The following NSMAF variants were observed in gnomAD, a reference collection of about 807,000 sequenced individuals.
NSMAF encodes the protein neutral sphingomyelinase activation associated factor.
A neutral mutation model predicts 134.9 loss-of-function variants in NSMAF; 90 were observed. The observed-to-expected ratio is 0.67, with a 90% CI of 0.56 to 0.79. The LOEUF is 0.79. Among genes scored for constraint, NSMAF ranks in the 30% least tolerant of loss-of-function variants. The pLI, the probability that NSMAF is intolerant of heterozygous loss-of-function variation, is 0.00. For synonymous variants in NSMAF, 358 were observed against 389.6 expected (o/e 0.92, Z 0.96); for missense variants, 1,010 against 1,119.0 (o/e 0.90, Z 1.39).
intron 2 of NSMAF, among the ~76,000 whole-genome samples, chr8:58,639,004 G>T (rs1353518855): frequency 6.6e-6 from 1 of 152,152 alleles, no homozygotes; most frequent in Admixed American, 6.5e-5. Flanking sequence ...CATACAAATG[G>T]GTGGGTGTGG....
chr8:58,595,757 G>A (rs577146863), intron 21 of NSMAF, 98 bp from the exon 22 acceptor site: 1 of 736,176 alleles, frequency 1.4e-6, no homozygotes, highest in East Asian at 2.7e-5. Flanking sequence ...AAACAACTAA[G>A]AAATGAAACA....
chr8:58,649,034 G>A (rs962704792), intron 1 of NSMAF, among the ~76,000 whole-genome samples: 4 of 152,220 alleles, frequency 2.6e-5, no homozygotes, highest in African/African-American at 9.7e-5. Flanking sequence ...CCTCAGCATG[G>A]AAAAGTTGCT....
chr8:58,621,545 C>T (rs1806788529), intron 9 of NSMAF, among the ~76,000 whole-genome samples: 1 of 152,196 alleles, frequency 6.6e-6, no homozygotes, highest in Non-Finnish European at 1.5e-5. Flanking sequence ...CTGCTTTCTA[C>T]AGTAGCTGAA....
chr8:58,590,063 A>G lies in NSMAF; in HGVS notation c.2031T>C (p.Ser677=). The G allele has an allele frequency of 6.2e-7, 1 of 1,613,424 alleles. No homozygotes were observed. The highest frequency in any genetic ancestry group is 2.2e-5 in the East Asian group (1 of 44,880). ...SISFSNMALS[S]CLLLPGDATV... is the part of the protein sequence containing the mutation. Reference sequence around the variant, plus strand: ...TGGCATCTCCTGGTAAAAGTAAACAAGACGATAAAGCCTGAAATACAAATG... The same window carrying G: ...TGGCATCTCCTGGTAAAAGTAAACAGGACGATAAAGCCTGAAATACAAATG... The change falls in exon 25 of 31, where the codon TCT becomes TCC. Residue 677 remains serine, a synonymous_variant. Coordinates refer to ENST00000038176, the MANE Select transcript of NSMAF (RefSeq NM_003580.4).
intron 1 of NSMAF, among the ~76,000 whole-genome samples, chr8:58,657,532 C>T (rs929604141): frequency 2.2e-4 from 34 of 152,200 alleles, no homozygotes; most frequent in African/African-American, 8.2e-4. Context: ...AAATTTGGGG[C>T]TTAATAAAGT....
chr8:58,589,372 T>C (rs1264437556), intron 26 of NSMAF, 80 bp downstream of exon 26: 4 of 1,170,398 alleles, frequency 3.4e-6, no homozygotes, highest in South Asian at 2.7e-5. Context: ...ATAATATCTG[T>C]ATGTACATTT....
intron 21 of NSMAF, among the ~76,000 whole-genome samples, chr8:58,597,034 G>T (rs114386215): frequency 0.01 from 1,563 of 152,208 alleles, 41 homozygotes; most frequent in African/African-American, 0.036. Context: ...GACTGGGAAG[G>T]CAGACTGGAC....
chr8:58,648,753 T>C (rs1260913014), intron 1 of NSMAF, among the ~76,000 whole-genome samples: 6 of 152,154 alleles, frequency 3.9e-5, no homozygotes, highest in African/African-American at 1.4e-4. Flanking sequence ...GAAGCTTCCA[T>C]GTGGTGTTAG....
chr8:58,606,973 A>C (rs1291871925), intron 11 of NSMAF, among the ~76,000 whole-genome samples: 1 of 152,222 alleles, frequency 6.6e-6, no homozygotes, highest in African/African-American at 2.4e-5. Flanking sequence ...GGAGATTTTT[A>C]ATAGTATCTG....
intron 1 of NSMAF, among the ~76,000 whole-genome samples, chr8:58,657,180 T>C (rs1386995547): frequency 6.6e-6 from 1 of 152,220 alleles, no homozygotes; most frequent in African/African-American, 2.4e-5. Flanking sequence ...TGCAAGAATC[T>C]CCTAGTCAGT....
chr8:58,588,713 C>G, intron 26 of NSMAF: 1 of 1,537,958 alleles, frequency 6.5e-7, no homozygotes, highest in South Asian at 1.1e-5. Context: ...ATAGGCTGCA[C>G]GTGGCCGCGG....
Position 58,635,495 on chromosome 8 carries a change from T to C in NSMAF, c.201A>G (p.Pro67=), listed in dbSNP as rs1807152812. 6 of 1,606,840 alleles carry C rather than the reference T, an allele frequency of 3.7e-6. No individual in the cohort carries two copies. Among genetic ancestry groups the C allele is most frequent in the Non-Finnish European group, 5.1e-6 (6 of 1,177,548 alleles). Residue 67 remains proline, a synonymous_variant, in exon 3 of 31, where the codon CCA becomes CCG. Transcript: ENST00000038176. ...KICSKSVIFE[P]DSISQPIIKI... is the part of the protein sequence containing the mutation. ...TGATGATGGGCTGGGATATTGAATC[T>C]GGTTCAAAAATCACCGATTTTGAAC...
intron 9 of NSMAF, among the ~76,000 whole-genome samples, chr8:58,616,678 G>A (rs1360798378): frequency 6.6e-6 from 1 of 152,088 alleles, no homozygotes; most frequent in Non-Finnish European, 1.5e-5. Context: ...CCCTTTTCCT[G>A]TAAGATCAAG....
Position 58,589,524 on chromosome 8 carries a change from A to T in NSMAF, c.2139T>A (p.His713Gln). The change falls in exon 26 of 31, where the codon CAT becomes CAA. Residue 713 changes from histidine to glutamine, a missense_variant. Coordinates refer to ENST00000038176, the MANE Select transcript of NSMAF (RefSeq NM_003580.4). ...AACAGATCTTACTAACAGCATCATC[A>T]TGTCCCATTAACGTGTCCTGGCGTC... ...FGRRQDTLMG[H>Q]DDAVSKICWH... is the part of the protein sequence containing the mutation. The T allele has an allele frequency of 6.4e-7, 1 of 1,572,602 alleles. No homozygotes were observed. Among genetic ancestry groups the T allele is most frequent in the Non-Finnish European group, 8.6e-7 (1 of 1,167,166 alleles).
At chr8:58,615,579 A>T (rs1007859376) in intron 9 of NSMAF, among the ~76,000 whole-genome samples, 2 of 152,250 alleles carry the variant, frequency 1.3e-5, no homozygotes, top group Non-Finnish European at 2.9e-5. Flanking sequence ...CTTCTAAATT[A>T]CCTATGGGCC....
chr8:58,632,018 A>G (rs1807066525), intron 5 of NSMAF, among the ~76,000 whole-genome samples: 1 of 152,154 alleles, frequency 6.6e-6, no homozygotes, highest in Admixed American at 6.5e-5. Flanking sequence ...ACTATGTGGA[A>G]TAAGTGACAC....
chr8:58,641,665 G>C (rs73240232), intron 2 of NSMAF, among the ~76,000 whole-genome samples: 7,308 of 152,216 alleles, frequency 0.048, 409 homozygotes, highest in African/African-American at 0.14. Context: ...CTGTAGGATT[G>C]TTCCTAGTCT....
chr8:58,655,168 C>T (rs1389625060), intron 1 of NSMAF, among the ~76,000 whole-genome samples: 1 of 152,008 alleles, frequency 6.6e-6, no homozygotes, highest in Non-Finnish European at 1.5e-5. Context: ...GAAAAGGTCT[C>T]CCTATGTTGC....
In NSMAF at chr8:58,598,490, C is replaced by CA. The variant is rs71250204; in HGVS notation, c.1586-589dup. Among the ~76,000 whole-genome samples, 457 of 125,878 alleles carry CA rather than the reference C, an allele frequency of 3.6e-3. 7 individuals carry two copies. Among genetic ancestry groups the CA allele is most frequent in the African/African-American group, 7.4e-3 (235 of 31,778 alleles). The allele number at this position is 125,878 out of a possible 152,430, so 82.6% of individuals were successfully genotyped here. A position where few individuals can be genotyped will look rare whatever the true frequency, so the allele number is the denominator to read the frequency against. ...TGACAGAGCAAGACTCTGTCTCAAA[C>CA]AAAAAAAAAAAAAAAAAAAAAGAAA... is the stretch of plus-strand genomic sequence containing the variant. On this transcript the variant is annotated intron_variant, in intron 19 of 30. Transcript: ENST00000038176.
Sources: allele counts gnomAD v4.1 joint callset (sites outside exome capture counted in the v4.1 genomes callset), GRCh38; gene constraint gnomAD v4.1.1; transcripts MANE v1.5; gene names NCBI Gene and HGNC (gene_info 2026-07-23, HGNC 2026-07-21).